The following POC1B variants were observed in gnomAD, a reference collection of about 807,000 sequenced individuals.
POC1B encodes the protein POC1 centriolar protein homolog B.
POC1B carries 44 observed loss-of-function variants against 60.6 expected under a neutral mutation model. The ratio of observed to expected loss-of-function variants is 0.73; its 90% CI spans 0.57 to 0.93. The LOEUF (loss-of-function observed/expected upper bound fraction) is 0.93. Ranked by LOEUF, POC1B falls within the 40% of genes least tolerant of loss-of-function variation. The probability of loss-of-function intolerance (pLI) is 0.00; values close to 1 mark genes in which losing one functional copy is unlikely to be tolerated. For missense variants in POC1B, 555 were observed against 572.3 expected (o/e 0.97, Z 0.31); for synonymous variants, 180 against 198.9 (o/e 0.90, Z 0.80).
the POC1B span, among the ~76,000 whole-genome samples, chr12:89,402,403 A>G: frequency 1.3e-5 from 2 of 151,892 alleles, no homozygotes; most frequent in Admixed American, 1.3e-4. Context: ...GTTCAGGGGT[A>G]CATGTGAATG....
At chr12:89,500,092 C>T (rs1018692142) in intron 2 of POC1B, 1 of 1,405,392 alleles carries the variant, frequency 7.1e-7, no homozygotes, top group Non-Finnish European at 9.9e-7. Context: ...GGGGCCGGAA[C>T]ATGGCTGTGT....
intron 11 of POC1B, among the ~76,000 whole-genome samples, chr12:89,422,653 T>C (rs1235456046): frequency 2.0e-5 from 3 of 152,232 alleles, no homozygotes; most frequent in Non-Finnish European, 4.4e-5. Flanking sequence ...TCTATATCTA[T>C]TAATTCCTGG....
At chr12:89,496,192 A>T (rs1448000730) in intron 3 of POC1B, among the ~76,000 whole-genome samples, 12 of 152,102 alleles carry the variant, frequency 7.9e-5, no homozygotes, top group Admixed American at 7.9e-4. Flanking sequence ...TGAGATTCTC[A>T]TATGGAGTGT....
At chr12:89,514,298 G>T (rs1268539785) in intron 2 of POC1B, among the ~76,000 whole-genome samples, 2 of 148,540 alleles carry the variant, frequency 1.3e-5, no homozygotes, top group East Asian at 2.0e-4. Context: ...TGCCATGATT[G>T]TTAAGTTTCC....
At chr12:89,486,066 C>A (rs895530689) in intron 4 of POC1B, among the ~76,000 whole-genome samples, 1 of 152,160 alleles carries the variant, frequency 6.6e-6, no homozygotes, top group Non-Finnish European at 1.5e-5. Context: ...CATCTTGTTA[C>A]CCCCTACATC....
rs1882841550 is a variant in POC1B at position 89,470,350 on chromosome 12, A to T, written c.810+11T>A. On this transcript the variant is annotated intron_variant, in intron 7 of 11. Transcript: ENST00000313546. Reference sequence around the variant, plus strand: ...TTTATATATAAAAAGCAAGAATCTGAGTGTTAATACCGTATGTCCTTGAAG... The same window carrying T: ...TTTATATATAAAAAGCAAGAATCTGTGTGTTAATACCGTATGTCCTTGAAG... 8 of 1,330,518 alleles carry T rather than the reference A, an allele frequency of 6.0e-6. No individual in the cohort carries two copies. Among genetic ancestry groups the T allele is most frequent in the Non-Finnish European group, 7.8e-6 (8 of 1,021,270 alleles). The allele number at this position is 1,330,518 out of a possible 1,614,324, so 82.4% of individuals were successfully genotyped here.
intron 9 of POC1B, among the ~76,000 whole-genome samples, chr12:89,463,052 A>C (rs1161246541): frequency 6.6e-6 from 1 of 152,176 alleles, no homozygotes; most frequent in Non-Finnish European, 1.5e-5. Context: ...AGACTTAAAA[A>C]CTTAAATTGA....
intron 4 of POC1B, among the ~76,000 whole-genome samples, chr12:89,482,884 G>C (rs1267983930): frequency 1.3e-5 from 2 of 151,962 alleles, no homozygotes; most frequent in African/African-American, 4.8e-5. Context: ...GGACCTGGTG[G>C]GAGGTAATTG....
the POC1B span, among the ~76,000 whole-genome samples, chr12:89,405,519 T>C: frequency 6.6e-6 from 1 of 152,198 alleles, no homozygotes; most frequent in Non-Finnish European, 1.5e-5. Flanking sequence ...GGCGTATGCC[T>C]GTAATCCTAA....
At position 89,525,197 on chromosome 12, in the gene POC1B, G is replaced by T; in HGVS notation, c.23C>A (p.Pro8His). 1 of 1,608,614 alleles carries T rather than the reference G, an allele frequency of 6.2e-7. No homozygotes were observed. The highest frequency in any genetic ancestry group is 8.5e-7 in the Non-Finnish European group (1 of 1,177,574). MASATEDPVLERYFKGHK... is the reference protein window; with the variant it reads MASATEDHVLERYFKGHK... ...GCCTTTGAAATAACGCTCCAGAACG[G>T]GGTCCTCCTGGAAAGGAAAGTTGTC... The change falls in exon 2 of 12, where the codon CCC (proline) becomes CAC (histidine). Residue 8 changes from proline to histidine, a missense_variant. Coordinates refer to ENST00000313546, the MANE Select transcript of POC1B (RefSeq NM_172240.3).
intron 10 of POC1B, among the ~76,000 whole-genome samples, chr12:89,454,179 A>G (rs1422209344): frequency 1.3e-5 from 2 of 152,182 alleles, no homozygotes. Flanking sequence ...AATGATGCAG[A>G]GCCAGGAGAT....
chr12:89,476,697 AATAG>A (rs754459068), intron 4 of POC1B, among the ~76,000 whole-genome samples: 15,410 of 139,728 alleles, frequency 0.11, 901 homozygotes, highest in Middle Eastern at 0.12. Flanking sequence ...AGACTGTCTC[AATAG>A]ATAGATAGAT....
intron 10 of POC1B, among the ~76,000 whole-genome samples, chr12:89,454,478 G>A (rs964397991): frequency 2.6e-5 from 4 of 152,122 alleles, no homozygotes; most frequent in African/African-American, 7.2e-5. Context: ...AACCTGTTAA[G>A]ACACAAGTCA....
intron 10 of POC1B, among the ~76,000 whole-genome samples, chr12:89,430,097 A>C (rs1880965709): frequency 6.6e-6 from 1 of 152,206 alleles, no homozygotes; most frequent in Admixed American, 6.5e-5. Context: ...GCCATCTTGA[A>C]GATGGGAAAT....
At position 89,466,917 on chromosome 12, in the gene POC1B, T is replaced by G; in HGVS notation, c.885A>C (p.Leu295Phe). The change falls in exon 9 of 12, where the codon TTA (leucine) becomes TTC (phenylalanine). Residue 295 changes from leucine to phenylalanine, a missense_variant. By Grantham distance (22) the Leu-to-Phe change is conservative. Coordinates refer to ENST00000313546, the MANE Select transcript of POC1B (RefSeq NM_172240.3). ...FASGGADTQV[L>F]LWRTNFDELH... ...ATTCATCAAAGTTAGTCCTCCATAATAAGACCTATGAAAAAAGTCAATGAT... is the reference window on the plus strand; with the variant it reads ...ATTCATCAAAGTTAGTCCTCCATAAGAAGACCTATGAAAAAAGTCAATGAT... 1 of 1,608,898 alleles carries G rather than the reference T, an allele frequency of 6.2e-7. No homozygotes were observed. Among genetic ancestry groups the G allele is most frequent in the Admixed American group, 1.7e-5 (1 of 59,436 alleles).
At chr12:89,447,198 A>G (rs1881825720) in intron 10 of POC1B, among the ~76,000 whole-genome samples, 1 of 152,196 alleles carries the variant, frequency 6.6e-6, no homozygotes, top group African/African-American at 2.4e-5. Context: ...ACTATTTGGT[A>G]AACTTATCAA....
chr12:89,437,419 C>G (rs1233134832), intron 10 of POC1B, among the ~76,000 whole-genome samples: 1 of 152,156 alleles, frequency 6.6e-6, no homozygotes, highest in Non-Finnish European at 1.5e-5. Context: ...CCTGAAATGT[C>G]CGGTTTCCTG....
At position 89,525,911 on chromosome 12, in the gene POC1B, C is replaced by G. The variant is rs780018593; in HGVS notation, c.-16G>C. The G allele has an allele frequency of 8.6e-6, 13 of 1,510,580 alleles. No individual in the cohort carries two copies. In the East Asian group the frequency reaches 2.0e-4, roughly 23 times the overall value. 93.6% of individuals were successfully genotyped at this position (1,510,580 alleles called of 1,614,324 possible). A position where few individuals can be genotyped will look rare whatever the true frequency, so the allele number is the denominator to read the frequency against. ...CTGAGGCCATCGGGGGAGTGGTCGGCCCAAGGCTCCTGTGGGTGGGGGAAC... is the reference window on the plus strand; with the variant it reads ...CTGAGGCCATCGGGGGAGTGGTCGGGCCAAGGCTCCTGTGGGTGGGGGAAC... On this transcript the variant is annotated 5_prime_UTR_variant, in exon 1 of 12. Transcript: ENST00000313546.
chr12:89,456,639 A>C (rs1882273919), intron 10 of POC1B, among the ~76,000 whole-genome samples: 1 of 152,086 alleles, frequency 6.6e-6, no homozygotes, highest in Non-Finnish European at 1.5e-5. Context: ...ATATTCCTTT[A>C]CAGAAACTTT....
Sources: allele counts gnomAD v4.1 joint callset (sites outside exome capture counted in the v4.1 genomes callset), GRCh38; gene constraint gnomAD v4.1.1; transcripts MANE v1.5; gene names NCBI Gene and HGNC (gene_info 2026-07-23, HGNC 2026-07-21).